The following ATG2B variants were observed in gnomAD, a reference collection of about 807,000 sequenced individuals.
The protein encoded by ATG2B is autophagy related 2B, also known as autophagy-related protein 2 homolog B.
ATG2B carries 121 observed loss-of-function variants against 241.3 expected under a neutral mutation model. The observed-to-expected ratio is 0.50, with a 90% confidence interval of 0.43 to 0.58. The LOEUF (loss-of-function observed/expected upper bound fraction) is 0.58. ATG2B is among the 20% of genes least tolerant of loss of function. The pLI, the probability that ATG2B is intolerant of heterozygous loss-of-function variation, is 0.00. For missense variants in ATG2B, 2,306 were observed against 2,491.6 expected, an observed-to-expected ratio of 0.93 and a Z score of 1.59; for synonymous variants, 858 against 876.6, an observed-to-expected ratio of 0.98 and a Z score of 0.37.
intron 29 of ATG2B, among the ~76,000 whole-genome samples, chr14:96,308,266 ATATATATATATATATAT>A (rs1566719879): frequency 0.015 from 233 of 15,544 alleles, 13 homozygotes; most frequent in African/African-American, 0.038. Context: ...ACATATATAT[ATATATATATATATATAT>A]TTTTTTTTTT....
intron 1 of ATG2B, among the ~76,000 whole-genome samples, chr14:96,350,127 G>A (rs1888275397): frequency 6.6e-6 from 1 of 152,126 alleles, no homozygotes; most frequent in South Asian, 2.1e-4. Flanking sequence ...CTATACTCCA[G>A]TCTGAGCAAC....
intron 1 of ATG2B, among the ~76,000 whole-genome samples, 168 bp downstream of exon 1, chr14:96,362,647 T>C (rs915805828): frequency 3.9e-5 from 6 of 152,214 alleles, no homozygotes; most frequent in African/African-American, 9.6e-5. Flanking sequence ...GCAAACTTGT[T>C]AGAAACAGAT....
intron 33 of ATG2B, 89 bp from the exon 34 acceptor site, chr14:96,302,197 T>C: frequency 2.5e-6 from 2 of 792,684 alleles, no homozygotes; most frequent in Admixed American, 2.5e-5. Context: ...GAAAAATTCC[T>C]ATTCCTATAC....
intron 1 of ATG2B, among the ~76,000 whole-genome samples, chr14:96,349,107 A>C (rs920276971): frequency 1.3e-5 from 2 of 152,252 alleles, no homozygotes; most frequent in Non-Finnish European, 2.9e-5. Flanking sequence ...CACTTGAAGG[A>C]GTGCTATTTT....
intron 32 of ATG2B, 35 bp downstream of exon 32, chr14:96,304,460 A>T (rs897458090): frequency 4.0e-6 from 6 of 1,517,586 alleles, no homozygotes; most frequent in Non-Finnish European, 4.6e-6. Flanking sequence ...CCAATATCCT[A>T]CTTAAGTGGA....
intron 34 of ATG2B, among the ~76,000 whole-genome samples, chr14:96,297,248 T>G (rs1886668126): frequency 6.6e-6 from 1 of 151,238 alleles, no homozygotes; most frequent in Non-Finnish European, 1.5e-5. Context: ...GACTCCATGA[T>G]TACCTTCAAA....
intron 2 of ATG2B, among the ~76,000 whole-genome samples, chr14:96,346,769 TC>T (rs1298966910): frequency 6.6e-6 from 1 of 152,178 alleles, no homozygotes; most frequent in African/African-American, 2.4e-5. Context: ...ACCATTATTG[TC>T]ATCATTCTTT....
intron 11 of ATG2B, among the ~76,000 whole-genome samples, chr14:96,330,634 C>T (rs1887707919): frequency 6.6e-6 from 1 of 152,144 alleles, no homozygotes; most frequent in South Asian, 2.1e-4. Flanking sequence ...CATGGTGGCA[C>T]ATGCCTGTAA....
chr14:96,308,280 ATATTTTTT>A (rs1887054060), intron 29 of ATG2B, among the ~76,000 whole-genome samples: 1 of 28,642 alleles, frequency 3.5e-5, no homozygotes, highest in African/African-American at 1.2e-4. Flanking sequence ...ATATATATAT[ATATTTTTT>A]TTTTTTTTTT....
Position 96,362,883 on chromosome 14 carries a change from G to C in ATG2B, c.94C>G (p.Leu32Val). 2 of 1,613,570 alleles carry C rather than the reference G, an allele frequency of 1.2e-6. No individual in the cohort carries two copies. Among genetic ancestry groups the C allele is most frequent in the Non-Finnish European group, 8.5e-7 (1 of 1,180,000 alleles). The change falls in exon 1 of 42, where the codon CTG becomes GTG. Residue 32 changes from leucine (L) to valine (V), a missense_variant. Physicochemically the swap from Leu to Val is conservative, Grantham distance 32 (BLOSUM62 1). This residue lies in a region of ATG2B where 1,927 missense variants were observed against 2,011.2 expected (regional missense o/e 0.96). Coordinates refer to ENST00000359933, the MANE Select transcript of ATG2B (RefSeq NM_018036.7). ...LGHFLQEKLS[L>V]EQLSLDLYQG... The stretch of plus-strand genomic sequence containing the variant: ...TACAGGTCCAGGCTGAGCTGCTCCA[G>C]GCTCAGCTTCTCCTGCAGAAAGTGG...
At chr14:96,320,732 AG>A (rs1887437578) in intron 18 of ATG2B, among the ~76,000 whole-genome samples, 1 of 152,198 alleles carries the variant, frequency 6.6e-6, no homozygotes. Context: ...AGAAAAAAAT[AG>A]GTCAAGTGTT....
Position 96,338,038 on chromosome 14 carries a change from A to T in ATG2B, c.924+3484T>A, listed in dbSNP as rs113450863. Among the ~76,000 whole-genome samples, 452 of 151,758 alleles carry T rather than the reference A, an allele frequency of 3.0e-3. 1 individual carries two copies. The highest frequency in any genetic ancestry group is 0.01 in the African/African-American group (433 of 41,398). ...ATTGTATTTTATTTTATTTTATTTT[A>T]TTTGCAGCTATTGTAAAAGGGATTG... On this transcript the variant is annotated intron_variant, in intron 6 of 41. Coordinates refer to ENST00000359933, the MANE Select transcript of ATG2B (RefSeq NM_018036.7).
intron 14 of ATG2B, 131 bp downstream of exon 14, chr14:96,328,216 T>A (rs948464557): frequency 1.2e-5 from 7 of 603,280 alleles, no homozygotes; most frequent in Non-Finnish European, 1.8e-5. Flanking sequence ...CTCCTTTTTT[T>A]ATTATTACAA....
At chr14:96,307,882 CA>C (rs1248230951) in intron 29 of ATG2B, among the ~76,000 whole-genome samples, 1 of 152,014 alleles carries the variant, frequency 6.6e-6, no homozygotes, top group Non-Finnish European at 1.5e-5. Context: ...GTTTACATTA[CA>C]TATTAAGAGT....
intron 18 of ATG2B, among the ~76,000 whole-genome samples, chr14:96,319,344 A>G (rs989701361): frequency 6.6e-6 from 1 of 152,252 alleles, no homozygotes; most frequent in African/African-American, 2.4e-5. Flanking sequence ...ATACATAAGG[A>G]CATATCACCA....
chr14:96,316,674 CATT>C lies in ATG2B; in HGVS notation c.3217_3219del (p.Asn1073del), dbSNP rs749022648. On this transcript the variant is annotated inframe_deletion, in exon 21 of 42. Transcript: ENST00000359933. ...CCATGCTTGTTTTCCAACAGATCTC[CATT>C]ATCTTGCTAGTAAAAAGATCAGAAA... 2 of 1,605,058 alleles carry C rather than the reference CATT, an allele frequency of 1.2e-6. No homozygotes were observed. Among genetic ancestry groups the C allele is most frequent in the South Asian group, 2.3e-5 (2 of 88,718 alleles).
Position 96,333,780 on chromosome 14 carries a change from C to A in ATG2B, c.1115G>T (p.Arg372Leu). 1 of 1,613,768 alleles carries A rather than the reference C, an allele frequency of 6.2e-7. No individual in the cohort carries two copies. Among genetic ancestry groups the A allele is most frequent in the Non-Finnish European group, 8.5e-7 (1 of 1,179,828 alleles). ...GAGGGAATCTTTTCTCAAATAATACCGGTTTAATTCCATCTGAATTCGATA... is the reference window on the plus strand; with the variant it reads ...GAGGGAATCTTTTCTCAAATAATACAGGTTTAATTCCATCTGAATTCGATA... ...DEYRIQMELN[R>L]YYLRKDSLSV... Residue 372 changes from arginine (R) to leucine (L), a missense_variant, in exon 8 of 42, where the codon CGG (arginine) becomes CTG (leucine). Physicochemically the swap from Arg to Leu is moderately radical, Grantham distance 102 (BLOSUM62 -2). Around this residue, in one of 2 missense-constraint regions of ATG2B, gnomAD observed 1,927 missense variants for 2,011.2 expected, o/e 0.96. Transcript: ENST00000359933.
chr14:96,299,586 G>A (rs144161224), intron 34 of ATG2B, among the ~76,000 whole-genome samples: 1 of 152,110 alleles, frequency 6.6e-6, no homozygotes, highest in African/African-American at 2.4e-5. Context: ...ATGGATAATA[G>A]GCTAGCAGAG....
chr14:96,334,378 T>C, intron 7 of ATG2B, 27 bp downstream of exon 7: 1 of 1,449,042 alleles, frequency 6.9e-7, no homozygotes. Flanking sequence ...AAGTAACAAG[T>C]ATATATAATA....
Sources: allele counts gnomAD v4.1 joint callset (sites outside exome capture counted in the v4.1 genomes callset), GRCh38; gene constraint gnomAD v4.1.1; regional missense constraint gnomAD v4.1.1; transcripts MANE v1.5; gene names NCBI Gene and HGNC (gene_info 2026-07-23, HGNC 2026-07-21).